The following SRL variants were observed in gnomAD, a reference collection of about 807,000 sequenced individuals.
SRL encodes sarcalumenin.
Under a neutral mutation model 39.5 loss-of-function variants are expected in SRL, and 23 were observed. The observed-to-expected ratio is 0.58, with a 90% confidence interval of 0.42 to 0.82. The LOEUF (loss-of-function observed/expected upper bound fraction) is 0.82. Among genes scored for constraint, SRL ranks in the 40% least tolerant of loss-of-function variants. The pLI, the probability that SRL is intolerant of heterozygous loss-of-function variation, is 0.00. For synonymous variants in SRL, 272 were observed against 237.4 expected, an observed-to-expected ratio of 1.15 and a Z score of -1.34; for missense variants, 592 against 607.8, an observed-to-expected ratio of 0.97 and a Z score of 0.27.
At chr16:4,224,991 C>G (rs79081257) in intron 1 of SRL, among the ~76,000 whole-genome samples, 4,197 of 152,216 alleles carry the variant, frequency 0.028, 178 homozygotes, top group African/African-American at 0.093. Context: ...AAGCTGGACA[C>G]AAGAGACCAC....
intron 1 of SRL, among the ~76,000 whole-genome samples, chr16:4,228,478 A>G (rs567442547): frequency 3.6e-4 from 54 of 151,948 alleles, no homozygotes; most frequent in East Asian, 5.8e-4. Flanking sequence ...GCTCACACCT[A>G]CAATCCCAGC....
intron 1 of SRL, among the ~76,000 whole-genome samples, chr16:4,211,177 T>G (rs7197936): frequency 0.022 from 3,369 of 151,056 alleles, 114 homozygotes; most frequent in African/African-American, 0.077. Context: ...AAAAAAAAAG[T>G]TCTTAGGTAA....
At chr16:4,206,545 C>G (rs2052320957) in intron 1 of SRL, among the ~76,000 whole-genome samples, 1 of 151,958 alleles carries the variant, frequency 6.6e-6, no homozygotes, top group African/African-American at 2.4e-5. Flanking sequence ...TCTCACTGGC[C>G]CCTCCAAGCT....
chr16:4,235,061 G>C (rs1406451567), intron 1 of SRL, among the ~76,000 whole-genome samples: 1 of 152,178 alleles, frequency 6.6e-6, no homozygotes, highest in Non-Finnish European at 1.5e-5. Flanking sequence ...CCAGTGTCTT[G>C]GTAGCAGGGA....
chr16:4,206,646 G>C (rs2052322104), intron 1 of SRL: 1 of 456,066 alleles, frequency 2.2e-6, no homozygotes, highest in Admixed American at 2.3e-5. Flanking sequence ...TTCTGTCCCT[G>C]CCTGTCCCCT....
chr16:4,195,743 C>T lies in SRL; in HGVS notation c.420G>A (p.Gly140=), dbSNP rs766581933. 21 of 1,614,040 alleles carry T rather than the reference C, an allele frequency of 1.3e-5. No individual in the cohort carries two copies. Among genetic ancestry groups the T allele is most frequent in the Non-Finnish European group, 1.8e-5 (21 of 1,180,024 alleles). ...TTSEFTVLMH[G]PKLKTIEGIV... ...TGCCCTCGATGGTTTTCAGCTTAGG[C>T]CCATGCATGAGGACCGTGAACTCAG... Residue 140 remains glycine (G), a synonymous_variant, in exon 5 of 6, where the codon GGG becomes GGA. Transcript: ENST00000399609.
chr16:4,200,008 C>G (rs973048927), intron 3 of SRL, among the ~76,000 whole-genome samples: 1 of 152,136 alleles, frequency 6.6e-6, no homozygotes, highest in African/African-American at 2.4e-5. Context: ...CATCTTTTTA[C>G]AGAGAGCGTT....
At chr16:4,238,262 C>G (rs529962665) in intron 1 of SRL, among the ~76,000 whole-genome samples, 6 of 152,270 alleles carry the variant, frequency 3.9e-5, no homozygotes, top group African/African-American at 1.4e-4. Context: ...CTCCCTGCTC[C>G]CCACTCCCCC....
intron 1 of SRL, among the ~76,000 whole-genome samples, chr16:4,208,938 G>C (rs1445710686): frequency 6.6e-6 from 1 of 152,204 alleles, no homozygotes; most frequent in Non-Finnish European, 1.5e-5. Context: ...ATCTGTGCCA[G>C]AGACCTCTGT....
At chr16:4,211,668 CGATGATGAGGATCGTGAT>C (rs2052394998) in intron 1 of SRL, among the ~76,000 whole-genome samples, 1 of 86,022 alleles carries the variant, frequency 1.2e-5, no homozygotes, top group Admixed American at 1.2e-4. Flanking sequence ...ATGACCGTGC[CGATGATGAGGATCGTGAT>C]GATGATGATG....
chr16:4,196,530 G>A (rs1473795128), intron 4 of SRL, among the ~76,000 whole-genome samples: 1 of 145,010 alleles, frequency 6.9e-6, no homozygotes, highest in Non-Finnish European at 1.5e-5. Flanking sequence ...CGCCCAGGCT[G>A]GAGTGCAGTG....
rs1197649422 is a variant in SRL at position 4,237,080 on chromosome 16, TACAGG to T, written c.61+4922_61+4926del. ...CCTCAACCTCCCAAGTAGCTGGGACTACAGGTACCCGCCATCATGCCCAGTTCATT... is the reference window on the plus strand; with the variant it reads ...CCTCAACCTCCCAAGTAGCTGGGACTTACCCGCCATCATGCCCAGTTCATT... On this transcript the variant is annotated intron_variant, in intron 1 of 5. Transcript: ENST00000399609. Among the ~76,000 whole-genome samples, 607 of 151,764 alleles carry T rather than the reference TACAGG, an allele frequency of 4.0e-3. 5 individuals are homozygous for T. Among genetic ancestry groups the T allele is most frequent in the African/African-American group, 0.014 (582 of 41,462 alleles).
intron 1 of SRL, among the ~76,000 whole-genome samples, chr16:4,227,231 T>C (rs1597292423): frequency 1.3e-5 from 2 of 149,394 alleles, no homozygotes; most frequent in South Asian, 4.2e-4. Context: ...AGTGGATGGG[T>C]GGGTGGATGG....
At position 4,199,431 on chromosome 16, in the gene SRL, G is replaced by A. The variant is rs114467858; in HGVS notation, c.260-1516C>T. Among the ~76,000 whole-genome samples, 761 of 132,086 alleles carry A rather than the reference G, an allele frequency of 5.8e-3. 10 individuals are homozygous for A. The highest frequency in any genetic ancestry group is 0.023 in the Middle Eastern group (4 of 172). 86.7% of individuals were successfully genotyped at this position (132,086 alleles called of 152,430 possible). ...CTGTCGCCCAAACCACAGTGCAGTG[G>A]TGTGATCATAGCTCATATAGCCTCA... On this transcript the variant is annotated intron_variant, in intron 3 of 5. Coordinates refer to ENST00000399609, the MANE Select transcript of SRL (RefSeq NM_001098814.2).
At position 4,195,554 on chromosome 16, in the gene SRL, T is replaced by A; in HGVS notation, c.609A>T (p.Arg203Ser). 1 of 1,613,956 alleles carries A rather than the reference T, an allele frequency of 6.2e-7. No homozygotes were observed. The highest frequency in any genetic ancestry group is 8.5e-7 in the Non-Finnish European group (1 of 1,179,906). Residue 203 changes from arginine to serine, a missense_variant and splice_region_variant, in exon 5 of 6, where the codon AGA becomes AGT. By Grantham distance (110) the Arg-to-Ser change is moderately radical (BLOSUM62 -1). Coordinates refer to ENST00000399609, the MANE Select transcript of SRL (RefSeq NM_001098814.2). ...GIIENRKQQE[R>S]GYPFNDVCQW... The stretch of plus-strand genomic sequence containing the variant: ...GTTCAGAAATGAGGGCTAAATTACC[T>A]CTTTCTTGCTGCTTGCGGTTCTCGA...
intron 1 of SRL, among the ~76,000 whole-genome samples, chr16:4,227,589 G>T (rs941629178): frequency 2.0e-5 from 3 of 152,146 alleles, no homozygotes; most frequent in African/African-American, 7.2e-5. Context: ...GTGAATGGAA[G>T]GATGGATGAA....
chr16:4,193,031 A>G, intron 5 of SRL, 67 bp from the exon 6 acceptor site: 1 of 1,368,216 alleles, frequency 7.3e-7, no homozygotes, highest in Non-Finnish European at 1.0e-6. Context: ...ACCTCCTTTC[A>G]GAACTAAACC....
chr16:4,229,909 G>T lies in SRL; in HGVS notation c.61+12098C>A, dbSNP rs149353848. 2.3e-3 allele frequency among the ~76,000 whole-genome samples: 346 copies of T among 152,216 alleles called. 4 individuals carry two copies. The highest frequency in any genetic ancestry group is 7.1e-3 in the African/African-American group (296 of 41,518). Reference sequence around the variant, plus strand: ...GACTTTGAGGGGACTGCGTGCTGGGGCCTCGTGCAGAAGAAGAGCTGGGCC... The same window carrying T: ...GACTTTGAGGGGACTGCGTGCTGGGTCCTCGTGCAGAAGAAGAGCTGGGCC... On this transcript the variant is annotated intron_variant, in intron 1 of 5. Coordinates refer to ENST00000399609, the MANE Select transcript of SRL (RefSeq NM_001098814.2).
intron 1 of SRL, among the ~76,000 whole-genome samples, chr16:4,229,633 G>A (rs1459827350): frequency 6.6e-6 from 1 of 151,902 alleles, no homozygotes; most frequent in Non-Finnish European, 1.5e-5. Context: ...CTACTAGATG[G>A]GGGAGTGAGA....
Sources: gnomAD v4.1 joint callset for allele counts (sites outside exome capture counted in the v4.1 genomes callset) on GRCh38, gnomAD v4.1.1 for gene constraint, MANE v1.5 for transcripts, NCBI Gene and HGNC (gene_info 2026-07-23, HGNC 2026-07-21) for gene names.